UTRN: variants seen among roughly 807,000 people sequenced by gnomAD.
UTRN encodes the protein dystrophin-related protein 1.
A neutral mutation model predicts 463.9 loss-of-function variants in UTRN; 283 were observed. The observed-to-expected ratio is 0.61, with a 90% CI of 0.55 to 0.67. The LOEUF is 0.67. UTRN is among the 30% of genes least tolerant of loss of function. The pLI is 0.00. For missense variants in UTRN, 3,922 were observed against 4,084.3 expected (o/e 0.96, Z 1.08); for synonymous variants, 1,442 against 1,431.5 (o/e 1.01, Z -0.17).
intron 25 of UTRN, among the ~76,000 whole-genome samples, chr6:144,477,979 A>G (rs534771366): frequency 2.6e-5 from 4 of 152,320 alleles, no homozygotes; most frequent in Admixed American, 2.6e-4. Flanking sequence ...ACAGGAATAA[A>G]TATATGGGAA....
intron 11 of UTRN, 76 bp from the exon 12 acceptor site, chr6:144,438,669 C>G (rs1291604041): frequency 1.2e-5 from 19 of 1,573,614 alleles, no homozygotes; most frequent in Non-Finnish European, 1.6e-5. Context: ...CCCTGTATCT[C>G]CGGTGCCCAG....
intron 52 of UTRN, among the ~76,000 whole-genome samples, chr6:144,699,219 C>A (rs1398119884): frequency 1.3e-5 from 2 of 152,104 alleles, no homozygotes; most frequent in African/African-American, 4.8e-5. Flanking sequence ...GCCGGTGGAT[C>A]ATGAGGTCAG....
chr6:144,674,000 G>A (rs769724595), intron 51 of UTRN, among the ~76,000 whole-genome samples: 4 of 152,146 alleles, frequency 2.6e-5, no homozygotes, highest in Admixed American at 6.6e-5. Context: ...CAGAGTTTCT[G>A]CTGATAAATC....
In UTRN at chr6:144,458,763, T is replaced by C; in HGVS notation, c.2285-7T>C. 6.3e-7 allele frequency: 1 copy of C among 1,576,064 alleles called. No homozygotes were observed. Among genetic ancestry groups the C allele is most frequent in the Non-Finnish European group, 8.6e-7 (1 of 1,167,000 alleles). ...AGACTGTTTGCTTGTTTTTCATGTC[T>C]GCATAGAAGGCCTTCCTACTGAAGA... On this transcript the variant is annotated splice_region_variant and splice_polypyrimidine_tract_variant and intron_variant, in intron 19 of 74. Transcript: ENST00000367545.
intron 69 of UTRN, among the ~76,000 whole-genome samples, chr6:144,830,005 A>T (rs1780532835): frequency 6.6e-6 from 1 of 152,258 alleles, no homozygotes; most frequent in Non-Finnish European, 1.5e-5. Context: ...TGTGCATTTC[A>T]TGTAAAGTAG....
At chr6:144,664,527 C>A (rs1164671052) in intron 51 of UTRN, among the ~76,000 whole-genome samples, 1 of 146,984 alleles carries the variant, frequency 6.8e-6, no homozygotes, top group Non-Finnish European at 1.5e-5. Flanking sequence ...TGACCTTGAA[C>A]TCCTGGGCTC....
At chr6:144,634,681 A>C (rs1234272889) in intron 51 of UTRN, among the ~76,000 whole-genome samples, 3 of 152,206 alleles carry the variant, frequency 2.0e-5, no homozygotes, top group Non-Finnish European at 4.4e-5. Flanking sequence ...TTATCTCCGC[A>C]TCCCTACTTC....
chr6:144,630,174 C>G (rs1009491346), intron 51 of UTRN, among the ~76,000 whole-genome samples: 1 of 151,978 alleles, frequency 6.6e-6, no homozygotes, highest in Non-Finnish European at 1.5e-5. Flanking sequence ...GGTGACAGAG[C>G]GAGACTCCAT....
At chr6:144,746,577 A>C (rs1232420506) in intron 54 of UTRN, among the ~76,000 whole-genome samples, 1 of 152,052 alleles carries the variant, frequency 6.6e-6, no homozygotes, top group African/African-American at 2.4e-5. Context: ...CCTGGGTTCA[A>C]GCAATTCTCC....
At chr6:144,375,923 T>C (rs1384471413) in intron 2 of UTRN, among the ~76,000 whole-genome samples, 2 of 152,174 alleles carry the variant, frequency 1.3e-5, no homozygotes, top group African/African-American at 4.8e-5. Context: ...GCATGTTTTC[T>C]TCCCCCCCAC....
intron 53 of UTRN, chr6:144,708,069 CTTT>C (rs71028303): frequency 1.2e-5 from 2 of 170,476 alleles, no homozygotes; most frequent in South Asian, 1.6e-4. Flanking sequence ...TGAAAATTAA[CTTT>C]TTTTTTTTTT....
intron 51 of UTRN, among the ~76,000 whole-genome samples, chr6:144,665,840 T>C (rs148948806): frequency 1.3e-5 from 2 of 152,334 alleles, no homozygotes; most frequent in Admixed American, 6.5e-5. Context: ...TATACTTACA[T>C]TGTTTTAAAA....
At chr6:144,517,946 T>G (rs1456759879) in intron 39 of UTRN, among the ~76,000 whole-genome samples, 1 of 152,230 alleles carries the variant, frequency 6.6e-6, no homozygotes, top group African/African-American at 2.4e-5. Flanking sequence ...GGCTGAAGCC[T>G]CAACATCCTT....
At chr6:144,361,772 C>T (rs57399029) in intron 2 of UTRN, among the ~76,000 whole-genome samples, 12,484 of 134,462 alleles carry the variant, frequency 0.093, 2,090 homozygotes, top group African/African-American at 0.34. Context: ...TTCTTTCTTT[C>T]TTTTTTTTTT....
chr6:144,423,257 C>T (rs1001982403), intron 4 of UTRN, among the ~76,000 whole-genome samples: 4 of 152,238 alleles, frequency 2.6e-5, no homozygotes, highest in Non-Finnish European at 4.4e-5. Flanking sequence ...CATTAAGCCA[C>T]ACTCTTTGGG....
chr6:144,601,121 G>A (rs567710889), intron 51 of UTRN, among the ~76,000 whole-genome samples: 21 of 152,148 alleles, frequency 1.4e-4, no homozygotes, highest in Non-Finnish European at 2.1e-4. Flanking sequence ...CAATGTACTG[G>A]TCAACCAAGA....
At chr6:144,489,622 C>T (rs571675999) in intron 30 of UTRN, among the ~76,000 whole-genome samples, 4 of 151,906 alleles carry the variant, frequency 2.6e-5, no homozygotes, top group East Asian at 1.9e-4. Context: ...TATACAAAAA[C>T]GTATTATTAT....
chr6:144,850,380 GA>G (rs1782387501), intron 74 of UTRN, among the ~76,000 whole-genome samples: 1 of 152,130 alleles, frequency 6.6e-6, no homozygotes, highest in Non-Finnish European at 1.5e-5. Flanking sequence ...CAGTTTGGAT[GA>G]TTTCATTTTA....
At chr6:144,644,169 A>G (rs1778061570) in intron 51 of UTRN, among the ~76,000 whole-genome samples, 1 of 152,198 alleles carries the variant, frequency 6.6e-6, no homozygotes, top group African/African-American at 2.4e-5. Context: ...TATGCACAGA[A>G]CTAAATGCTT....
Sources: allele counts gnomAD v4.1 joint callset (sites outside exome capture counted in the v4.1 genomes callset), GRCh38; gene constraint gnomAD v4.1.1; transcripts MANE v1.5; gene names NCBI Gene and HGNC (gene_info 2026-07-23, HGNC 2026-07-21).